Variants in KPNA3 observed in about 807,000 individuals in gnomAD.
The protein encoded by KPNA3 is karyopherin subunit alpha 3.
In KPNA3, 13 loss-of-function variants were observed where a neutral mutation model predicts 73.8. That is an observed-to-expected ratio of 0.18 (90% CI 0.11 to 0.28). KPNA3 has a LOEUF of 0.28. Among genes scored for constraint, KPNA3 ranks in the 10% least tolerant of loss-of-function variants. The pLI, the probability that KPNA3 is intolerant of heterozygous loss-of-function variation, is 1.00. For synonymous variants in KPNA3, 186 were observed against 206.9 expected (o/e 0.90, Z 0.87); for missense variants, 360 against 618.1 (o/e 0.58, Z 4.43).
At chr13:49,780,869 C>T (rs1177582567) in intron 1 of KPNA3, among the ~76,000 whole-genome samples, 4 of 151,716 alleles carry the variant, frequency 2.6e-5, no homozygotes, top group Non-Finnish European at 5.9e-5. Flanking sequence ...TACAGGTGCA[C>T]GCCACCACAC....
At chr13:49,767,283 G>A (rs1362282671) in intron 1 of KPNA3, among the ~76,000 whole-genome samples, 1 of 151,742 alleles carries the variant, frequency 6.6e-6, no homozygotes, top group Non-Finnish European at 1.5e-5. Context: ...CAGGCGTGGT[G>A]GCAGGCGCCT....
At position 49,711,029 on chromosome 13, in the gene KPNA3, G is replaced by GA. The variant is rs564519406; in HGVS notation, c.772-8dup. The GA allele has an allele frequency of 3.1e-6, 5 of 1,597,554 alleles. No individual in the cohort carries two copies. The highest frequency in any genetic ancestry group is 4.3e-6 in the Non-Finnish European group (5 of 1,175,106). On this transcript the variant is annotated splice_polypyrimidine_tract_variant and splice_region_variant and intron_variant, in intron 10 of 16. Coordinates refer to ENST00000261667, the MANE Select transcript of KPNA3 (RefSeq NM_002267.4). ...AAACAGTGTCTACAAGAATCTACAGGAAACACAAAAGAAAAACCATTTTAC... is the reference window on the plus strand; with the variant it reads ...AAACAGTGTCTACAAGAATCTACAGGAAAACACAAAAGAAAAACCATTTTAC...
At chr13:49,758,227 G>C (rs1292309363) in intron 1 of KPNA3, among the ~76,000 whole-genome samples, 1 of 152,026 alleles carries the variant, frequency 6.6e-6, no homozygotes, top group Non-Finnish European at 1.5e-5. Flanking sequence ...TAAATATATA[G>C]GTGATGACAA....
chr13:49,762,097 G>A (rs9535331), intron 1 of KPNA3, among the ~76,000 whole-genome samples: 31,178 of 121,104 alleles, frequency 0.26, 3,598 homozygotes, highest in Admixed American at 0.32. Context: ...CGCCCCATCC[G>A]GGAGGGAGGT....
At chr13:49,734,965 A>AGAGG (rs1954508810) in intron 2 of KPNA3, among the ~76,000 whole-genome samples, 1 of 151,602 alleles carries the variant, frequency 6.6e-6, no homozygotes. Flanking sequence ...AGAGAGAGAG[A>AGAGG]GAGAGAGAGA....
chr13:49,759,616 A>G (rs1043154006), intron 1 of KPNA3, among the ~76,000 whole-genome samples: 4 of 152,214 alleles, frequency 2.6e-5, no homozygotes, highest in Admixed American at 6.5e-5. Context: ...TTAGATTCTC[A>G]TAAGGAACAT....
At position 49,701,570 on chromosome 13, in the gene KPNA3, G is replaced by A. The variant is rs146735944; in HGVS notation, c.*230C>T. 5.6e-4 allele frequency: 350 copies of A among 628,442 alleles called. No homozygotes were observed. The highest frequency in any genetic ancestry group is 9.3e-4 in the Non-Finnish European group (305 of 327,838). 38.9% of individuals were successfully genotyped at this position (628,442 alleles called of 1,614,324 possible). On this transcript the variant is annotated 3_prime_UTR_variant, in exon 17 of 17. Coordinates refer to ENST00000261667, the MANE Select transcript of KPNA3 (RefSeq NM_002267.4). ...AGGGAAAAATAGGGTAGTTGAGATT[G>A]TTAAGGAGAGTTCTAAAACAGTTTA...
At chr13:49,763,999 T>C (rs1191124578) in intron 1 of KPNA3, among the ~76,000 whole-genome samples, 1 of 149,284 alleles carries the variant, frequency 6.7e-6, no homozygotes, top group African/African-American at 2.5e-5. Context: ...CCCAAGAGGT[T>C]GAGGCTGTGG....
intron 15 of KPNA3, among the ~76,000 whole-genome samples, chr13:49,704,692 A>G (rs182525033): frequency 1.2e-3 from 177 of 151,876 alleles, no homozygotes; most frequent in African/African-American, 3.9e-3. Flanking sequence ...GAATTTTAAC[A>G]TATGTTTCAC....
intron 14 of KPNA3, 44 bp downstream of exon 14, chr13:49,706,054 T>C: frequency 6.6e-7 from 1 of 1,519,800 alleles, no homozygotes; most frequent in Non-Finnish European, 9.1e-7. Context: ...GCAGCATGCT[T>C]TCCAGTATTA....
intron 10 of KPNA3, among the ~76,000 whole-genome samples, chr13:49,719,365 A>G (rs1277055268): frequency 6.6e-6 from 1 of 152,146 alleles, no homozygotes; most frequent in African/African-American, 2.4e-5. Context: ...TCCACTTTAG[A>G]TAAGTCATTT....
chr13:49,758,168 T>C (rs1954727521), intron 1 of KPNA3, among the ~76,000 whole-genome samples: 1 of 151,978 alleles, frequency 6.6e-6, no homozygotes, highest in African/African-American at 2.4e-5. Context: ...GCCAAAAGTA[T>C]ACTAAAACAA....
rs1363839479 is a variant in KPNA3, at chr13:49,701,811, A to G, written c.1555T>C (p.Phe519Leu). The G allele has an allele frequency of 6.2e-7, 1 of 1,602,910 alleles. No homozygotes were observed. The highest frequency in any genetic ancestry group is 2.2e-5 in the East Asian group (1 of 44,796). ...GCACTCAACTGAATTTAAAAATTAA[A>G]TTCTTTTGTTTGAAGGTTGGCTGTT... Reference protein sequence around the residue: ...DPTANLQTKEFNF With the variant: ...DPTANLQTKELNF Residue 519 changes from phenylalanine (F) to leucine (L), a missense_variant, in exon 17 of 17, where the codon TTT (phenylalanine) becomes CTT (leucine). Physicochemically the swap from Phe to Leu is conservative, Grantham distance 22 (BLOSUM62 0). This residue lies in a region of KPNA3 where 38 missense variants were observed against 39.0 expected (regional missense o/e 0.98). Coordinates refer to ENST00000261667, the MANE Select transcript of KPNA3 (RefSeq NM_002267.4).
Position 49,792,558 on chromosome 13 carries a change from C to G in KPNA3, c.-52G>C. The G allele has an allele frequency of 2.2e-6, 2 of 890,834 alleles. No homozygotes were observed. The highest frequency in any genetic ancestry group is 3.3e-6 in the Non-Finnish European group (2 of 613,896). The allele number at this position is 890,834 out of a possible 1,614,324, so 55.2% of individuals were successfully genotyped here. ...ACTCCTGCGGCTGCGGCGGCGGCGG[C>G]GGCGAATCTTGGAGCGGGAGGGGGA... On this transcript the variant is annotated 5_prime_UTR_variant, in exon 1 of 17. Transcript: ENST00000261667.
At chr13:49,706,992 A>C (rs1181909820) in intron 12 of KPNA3, among the ~76,000 whole-genome samples, 1 of 151,986 alleles carries the variant, frequency 6.6e-6, no homozygotes, top group East Asian at 1.9e-4. Context: ...CTCGTGATCC[A>C]CCCGCCTAGG....
Position 49,752,600 on chromosome 13 carries a change from A to G in KPNA3, c.70-5607T>C, listed in dbSNP as rs573331807. Among the ~76,000 whole-genome samples, 16 of 152,330 alleles carry G rather than the reference A, an allele frequency of 1.1e-4. No homozygotes were observed. The East Asian group carries it at 2.9e-3, about 28-fold the overall frequency. On this transcript the variant is annotated intron_variant, in intron 1 of 16. Coordinates refer to ENST00000261667, the MANE Select transcript of KPNA3 (RefSeq NM_002267.4). ...ATGAGGTCCTAGCAATCAAAAAAGA[A>G]TTAGAAATAAAGCAAAAAATTATTT...
At chr13:49,741,163 T>C (rs1314942817) in intron 2 of KPNA3, among the ~76,000 whole-genome samples, 1 of 152,156 alleles carries the variant, frequency 6.6e-6, no homozygotes, top group African/African-American at 2.4e-5. Flanking sequence ...TACACAGTAG[T>C]GGGATTGCTT....
intron 1 of KPNA3, among the ~76,000 whole-genome samples, chr13:49,770,608 T>A (rs4643206): frequency 0.29 from 35,119 of 121,096 alleles, 4,263 homozygotes; most frequent in Non-Finnish European, 0.37. Flanking sequence ...GTGCCAAGGT[T>A]ACAAAGATCT....
At chr13:49,770,179 CTTTTTTT>C (rs35910811) in intron 1 of KPNA3, among the ~76,000 whole-genome samples, 22 of 83,838 alleles carry the variant, frequency 2.6e-4, no homozygotes, top group South Asian at 4.9e-4. Context: ...TTGTGGGCTG[CTTTTTTT>C]TTTTTTTTTT....
Sources: gnomAD v4.1 joint callset for allele counts (sites outside exome capture counted in the v4.1 genomes callset) on GRCh38, gnomAD v4.1.1 for gene constraint, gnomAD v4.1.1 regional missense constraint, MANE v1.5 for transcripts, NCBI Gene and HGNC (gene_info 2026-07-23, HGNC 2026-07-21) for gene names.